CNIH3: variants seen among roughly 807,000 people sequenced by gnomAD.
CNIH3 encodes the protein cornichon family AMPA receptor auxiliary protein 3, also known as protein cornichon homolog 3.
CNIH3 carries 14 observed loss-of-function variants against 24.1 expected under a neutral mutation model. That is an observed-to-expected ratio of 0.58 (90% CI 0.38 to 0.91). The LOEUF (loss-of-function observed/expected upper bound fraction) is 0.91. Ranked by LOEUF, CNIH3 falls within the 40% of genes least tolerant of loss-of-function variation. CNIH3 has a pLI of 0.00. For missense variants in CNIH3, 178 were observed against 196.8 expected, an observed-to-expected ratio of 0.90 and a Z score of 0.57; for synonymous variants, 68 against 73.8, an observed-to-expected ratio of 0.92 and a Z score of 0.40.
intron 1 of CNIH3, among the ~76,000 whole-genome samples, chr1:224,645,970 A>G (rs1228133039): frequency 6.6e-6 from 1 of 152,198 alleles, no homozygotes; most frequent in African/African-American, 2.4e-5. Flanking sequence ...TATTTTGGGC[A>G]TTGTGCTGGG....
chr1:224,514,572 T>G (rs578048106), upstream of CNIH3, among the ~76,000 whole-genome samples: 1 of 152,360 alleles, frequency 6.6e-6, no homozygotes, highest in African/African-American at 2.4e-5. Context: ...GGCTCACACC[T>G]GTAATCCCAG....
intron 1 of CNIH3, among the ~76,000 whole-genome samples, chr1:224,484,412 A>G (rs886939399): frequency 1.8e-4 from 28 of 152,036 alleles, no homozygotes; most frequent in African/African-American, 6.8e-4. Context: ...CCTGGGTGAC[A>G]GAGCGAGACT....
chr1:224,461,047 G>T (rs1675891696), intron 1 of CNIH3, among the ~76,000 whole-genome samples: 1 of 148,682 alleles, frequency 6.7e-6, no homozygotes, highest in Non-Finnish European at 1.5e-5. Context: ...CTGTCACCCA[G>T]CCTGGAGTGC....
intron 5 of CNIH3, among the ~76,000 whole-genome samples, chr1:224,736,108 G>T (rs1037790925): frequency 6.6e-6 from 1 of 152,068 alleles, no homozygotes; most frequent in African/African-American, 2.4e-5. Context: ...TCTTGAGTCC[G>T]ATTTCAAAGA....
chr1:224,737,318 G>A (rs1689647124), intron 5 of CNIH3, among the ~76,000 whole-genome samples: 1 of 152,130 alleles, frequency 6.6e-6, no homozygotes, highest in African/African-American at 2.4e-5. Flanking sequence ...CTGTTTGACT[G>A]TTTGTCCTCT....
intron 1 of CNIH3, among the ~76,000 whole-genome samples, chr1:224,449,482 C>T (rs1429426046): frequency 2.0e-5 from 3 of 152,030 alleles, no homozygotes; most frequent in Admixed American, 2.0e-4. Flanking sequence ...GTTGCCGTCA[C>T]TGCTACCAAA....
Position 224,638,592 on chromosome 1 carries a change from G to A in CNIH3, c.81+21337G>A, listed in dbSNP as rs529862269. Among the ~76,000 whole-genome samples the A allele has an allele frequency of 2.0e-5, 3 of 152,320 alleles. No homozygotes were observed. In the South Asian group the frequency reaches 6.2e-4, roughly 32 times the overall value. On this transcript the variant is annotated intron_variant, in intron 1 of 5. Coordinates refer to ENST00000272133, the MANE Select transcript of CNIH3 (RefSeq NM_152495.2). Reference sequence around the variant, plus strand: ...GCTCTGTAAAAGGAGGGGTGGCAGGGTTAGTGGTTCCCATAGCTGGCACAT... The same window carrying A: ...GCTCTGTAAAAGGAGGGGTGGCAGGATTAGTGGTTCCCATAGCTGGCACAT...
intron 4 of CNIH3, among the ~76,000 whole-genome samples, chr1:224,571,123 G>C (rs1390402500): frequency 1.3e-5 from 2 of 152,198 alleles, no homozygotes; most frequent in African/African-American, 2.4e-5. Context: ...AAGGCCTCTT[G>C]TCTTATTCTC....
intron 3 of CNIH3, among the ~76,000 whole-genome samples, chr1:224,709,381 A>C (rs1371431439): frequency 6.6e-6 from 1 of 152,178 alleles, no homozygotes; most frequent in Non-Finnish European, 1.5e-5. Context: ...TATGTATCAC[A>C]CTTACCCACC....
At chr1:224,696,298 A>G (rs1687174659) in intron 3 of CNIH3, among the ~76,000 whole-genome samples, 1 of 152,232 alleles carries the variant, frequency 6.6e-6, no homozygotes. Context: ...GAAGTGACCC[A>G]GAAGTCACAC....
intron 3 of CNIH3, among the ~76,000 whole-genome samples, chr1:224,693,262 C>T (rs1045990414): frequency 8.6e-5 from 13 of 151,990 alleles, no homozygotes; most frequent in East Asian, 5.8e-4. Context: ...TCCCTAGGGC[C>T]GCAGCAGGCG....
chr1:224,451,461 G>A (rs1675395558), intron 1 of CNIH3, among the ~76,000 whole-genome samples: 1 of 152,154 alleles, frequency 6.6e-6, no homozygotes, highest in Admixed American at 6.5e-5. Flanking sequence ...CATTCTTGTG[G>A]TTATGTTAAC....
intron 1 of CNIH3, among the ~76,000 whole-genome samples, chr1:224,475,681 C>A (rs1676561257): frequency 6.6e-6 from 1 of 152,152 alleles, no homozygotes; most frequent in African/African-American, 2.4e-5. Context: ...ACCAACCCTG[C>A]TCAAATGATT....
intron 3 of CNIH3, among the ~76,000 whole-genome samples, chr1:224,694,703 T>C (rs768962089): frequency 3.3e-5 from 5 of 151,614 alleles, no homozygotes; most frequent in African/African-American, 7.3e-5. Context: ...AGCCAACGAG[T>C]GGAAAGAAAA....
chr1:224,664,459 C>T (rs1295440538), intron 1 of CNIH3, among the ~76,000 whole-genome samples: 1 of 152,168 alleles, frequency 6.6e-6, no homozygotes, highest in Non-Finnish European at 1.5e-5. Flanking sequence ...GTCTTGCCTC[C>T]TCCATCAAAT....
At chr1:224,636,284 C>T (rs1684084218) in intron 1 of CNIH3, among the ~76,000 whole-genome samples, 1 of 152,210 alleles carries the variant, frequency 6.6e-6, no homozygotes, top group Non-Finnish European at 1.5e-5. Flanking sequence ...AAGAGGGATA[C>T]AGTCATGTAA....
At chr1:224,557,340 A>G (rs1219936114) in intron 3 of CNIH3, among the ~76,000 whole-genome samples, 2 of 151,956 alleles carry the variant, frequency 1.3e-5, no homozygotes, top group Non-Finnish European at 2.9e-5. Flanking sequence ...GAGCCACTGC[A>G]CCCAGCCCAC....
intron 1 of CNIH3, among the ~76,000 whole-genome samples, chr1:224,629,383 C>T (rs1489357221): frequency 6.6e-6 from 1 of 152,130 alleles, no homozygotes; most frequent in African/African-American, 2.4e-5. Context: ...TGCACCCTGA[C>T]CACCTTGGGC....
intron 1 of CNIH3, among the ~76,000 whole-genome samples, chr1:224,441,769 G>A (rs549054033): frequency 7.9e-4 from 120 of 152,208 alleles, no homozygotes; most frequent in African/African-American, 2.7e-3. Flanking sequence ...AAGGGATCTC[G>A]AGGCTTCTTC....
Sources: gnomAD v4.1 joint callset for allele counts (sites outside exome capture counted in the v4.1 genomes callset) on GRCh38, gnomAD v4.1.1 for gene constraint, MANE v1.5 for transcripts, NCBI Gene and HGNC (gene_info 2026-07-23, HGNC 2026-07-21) for gene names.